BMPR1B: variants seen among roughly 807,000 people sequenced by gnomAD.
BMPR1B encodes the protein bone morphogenetic protein receptor type 1B.
Under a neutral mutation model 59.1 loss-of-function variants are expected in BMPR1B, and 12 were observed. The observed-to-expected ratio is 0.20, with a 90% CI of 0.13 to 0.33. BMPR1B has a LOEUF of 0.33. BMPR1B is among the 10% of genes least tolerant of loss of function. The pLI, the probability that BMPR1B is intolerant of heterozygous loss-of-function variation, is 1.00. For missense variants in BMPR1B, 550 were observed against 610.9 expected (o/e 0.90, Z 1.05); for synonymous variants, 237 against 207.3 (o/e 1.14, Z -1.23).
In BMPR1B at chr4:95,012,694, A is replaced by G. The variant is rs377699369; in HGVS notation, c.-18+16560A>G. On this transcript the variant is annotated intron_variant, in intron 3 of 12. Transcript: ENST00000515059. The stretch of plus-strand genomic sequence containing the variant: ...GCATAAACAAACTAAAATTAATCAC[A>G]GAATTTACTGTGCTAGCAGCATTTA... 2.6e-4 allele frequency among the ~76,000 whole-genome samples: 39 copies of G among 152,312 alleles called. No individual in the cohort carries two copies. The South Asian group carries it at 7.5e-3, about 29-fold the overall frequency.
intron 1 of BMPR1B, among the ~76,000 whole-genome samples, chr4:94,853,964 C>T (rs1010110040): frequency 3.3e-5 from 5 of 152,140 alleles, no homozygotes; most frequent in Admixed American, 6.6e-5. Context: ...ATTTTACAGC[C>T]TTTTTCTTCA....
intron 3 of BMPR1B, among the ~76,000 whole-genome samples, chr4:95,006,786 G>T (rs955531067): frequency 6.6e-6 from 1 of 151,886 alleles, no homozygotes; most frequent in African/African-American, 2.4e-5. Flanking sequence ...TGATCCACCC[G>T]CCTCGGCCTC....
intron 11 of BMPR1B, among the ~76,000 whole-genome samples, chr4:95,150,730 G>A (rs1485399277): frequency 6.6e-6 from 1 of 152,114 alleles, no homozygotes; most frequent in Non-Finnish European, 1.5e-5. Context: ...TGCTTTGCTA[G>A]GGCTGTCTTT....
chr4:94,903,328 AGAAT>A (rs573457608), intron 2 of BMPR1B, among the ~76,000 whole-genome samples: 107 of 152,052 alleles, frequency 7.0e-4, no homozygotes, highest in African/African-American at 2.4e-3. Context: ...CAGACAGAAA[AGAAT>A]GAACTTATTA....
In BMPR1B at chr4:95,045,688, G is replaced by GT. The variant is rs1560614901; in HGVS notation, c.-18+49560dup. The stretch of plus-strand genomic sequence containing the variant: ...CAGAATTAATCTTTGTTTATTCACT[G>GT]TTTTTTCCATGTTTCCTCAGCATAG... On this transcript the variant is annotated intron_variant, in intron 3 of 12. Transcript: ENST00000515059. 7.2e-5 allele frequency among the ~76,000 whole-genome samples: 11 copies of GT among 152,162 alleles called. No homozygotes were observed. In the South Asian group the frequency reaches 2.3e-3, roughly 32 times the overall value.
intron 3 of BMPR1B, among the ~76,000 whole-genome samples, chr4:95,003,801 C>CTTTTTTTTTTT (rs5860385): frequency 1.2e-4 from 10 of 84,562 alleles, no homozygotes; most frequent in African/African-American, 3.3e-4. Flanking sequence ...CAAAGTCCAT[C>CTTTTTTTTTTT]TTTTTTTTTT....
chr4:95,026,301 G>A (rs181326228), intron 3 of BMPR1B, among the ~76,000 whole-genome samples: 3 of 151,862 alleles, frequency 2.0e-5, no homozygotes, highest in Non-Finnish European at 4.4e-5. Flanking sequence ...TCAAATTATA[G>A]CATTAGGGTT....
chr4:94,897,949 T>G (rs1286249304), intron 2 of BMPR1B, among the ~76,000 whole-genome samples: 1 of 140,880 alleles, frequency 7.1e-6, no homozygotes, highest in Non-Finnish European at 1.5e-5. Context: ...TCCTTTTTTT[T>G]TTTTTTTTTT....
rs150481392 is a variant in BMPR1B, at chr4:95,114,125, A to G, written c.144-595A>G. Among the ~76,000 whole-genome samples, 425 of 152,222 alleles carry G rather than the reference A, an allele frequency of 2.8e-3. 3 individuals carry two copies. Among genetic ancestry groups the G allele is most frequent in the African/African-American group, 8.9e-3 (371 of 41,538 alleles). ...AGAAGCAGAGGTACTAAATGTCAGA[A>G]TCTCAGTTATGCCATGCTGATCCCA... On this transcript the variant is annotated intron_variant, in intron 4 of 12. Transcript: ENST00000515059.
At chr4:94,901,460 G>A (rs1198499566) in intron 2 of BMPR1B, among the ~76,000 whole-genome samples, 3 of 151,866 alleles carry the variant, frequency 2.0e-5, no homozygotes, top group East Asian at 1.9e-4. Flanking sequence ...CCGAGAGACC[G>A]GATGGCAGTT....
chr4:94,900,942 C>T (rs956471210), intron 2 of BMPR1B, among the ~76,000 whole-genome samples: 1 of 151,946 alleles, frequency 6.6e-6, no homozygotes, highest in African/African-American at 2.4e-5. Context: ...CCAAGAGTGT[C>T]AGACCTCCCG....
chr4:95,131,585 T>C, intron 10 of BMPR1B, 73 bp downstream of exon 10: 5 of 1,520,364 alleles, frequency 3.3e-6, no homozygotes, highest in Non-Finnish European at 4.5e-6. Context: ...GCGCAGTGCT[T>C]CTAGGATATT....
chr4:95,139,390 C>T (rs553883967), intron 10 of BMPR1B, among the ~76,000 whole-genome samples: 83 of 152,292 alleles, frequency 5.5e-4, no homozygotes, highest in South Asian at 1.7e-3. Flanking sequence ...GCAGTCTGTC[C>T]GTTCTCAGAT....
chr4:94,981,012 C>T (rs1721044227), intron 2 of BMPR1B, among the ~76,000 whole-genome samples: 1 of 10,372 alleles, frequency 9.6e-5, no homozygotes, highest in South Asian at 2.4e-3. Context: ...CACACACACA[C>T]ACACACACAC....
At chr4:94,835,862 A>T (rs1309158367) in intron 1 of BMPR1B, among the ~76,000 whole-genome samples, 1 of 149,166 alleles carries the variant, frequency 6.7e-6, no homozygotes, top group Non-Finnish European at 1.5e-5. Flanking sequence ...GCACCCACTA[A>T]CTCGTCATCT....
chr4:95,061,830 T>C (rs766094633), intron 3 of BMPR1B, among the ~76,000 whole-genome samples: 1 of 152,200 alleles, frequency 6.6e-6, no homozygotes, highest in Non-Finnish European at 1.5e-5. Context: ...CTAAATCTCA[T>C]GATGAATTGT....
intron 3 of BMPR1B, among the ~76,000 whole-genome samples, chr4:95,031,131 C>T (rs1042565574): frequency 2.0e-5 from 3 of 152,064 alleles, no homozygotes; most frequent in Non-Finnish European, 4.4e-5. Flanking sequence ...TACTACAAGG[C>T]TACAGTAACC....
In BMPR1B at chr4:95,148,797, C is replaced by T. The variant is rs768328319; in HGVS notation, c.1126C>T (p.Arg376Cys). 13 of 1,614,006 alleles carry T rather than the reference C, an allele frequency of 8.1e-6. No homozygotes were observed. Among genetic ancestry groups the T allele is most frequent in the Non-Finnish European group, 9.3e-6 (11 of 1,179,932 alleles). The change falls in exon 11 of 13, where the codon CGC becomes TGC. Residue 376 changes from arginine to cysteine, a missense_variant. Arg to Cys is a radical substitution (Grantham distance 180, BLOSUM62 -3). Around this residue, in one of 6 missense-constraint regions of BMPR1B, gnomAD observed 123 missense variants for 164.6 expected, o/e 0.75. Transcript: ENST00000515059. ...ACCTAACACTCGAGTTGGCACCAAACGCTATATGCCTCCAGAAGTGTTGGA... is the reference window on the plus strand; with the variant it reads ...ACCTAACACTCGAGTTGGCACCAAATGCTATATGCCTCCAGAAGTGTTGGA... ...IPPNTRVGTK[R>C]YMPPEVLDES...
At chr4:94,856,261 C>T (rs1373140711) in intron 1 of BMPR1B, among the ~76,000 whole-genome samples, 2 of 152,170 alleles carry the variant, frequency 1.3e-5, no homozygotes, top group Non-Finnish European at 2.9e-5. Context: ...GGCAGCCCTC[C>T]ATCTGCTGCA....
Sources: gnomAD v4.1 joint callset for allele counts (sites outside exome capture counted in the v4.1 genomes callset) on GRCh38, gnomAD v4.1.1 for gene constraint, gnomAD v4.1.1 regional missense constraint, MANE v1.5 for transcripts, NCBI Gene and HGNC (gene_info 2026-07-23, HGNC 2026-07-21) for gene names.